Variants in SMC4 observed in about 807,000 individuals in gnomAD.
SMC4 encodes structural maintenance of chromosomes protein 4.
A neutral mutation model predicts 145.6 loss-of-function variants in SMC4; 87 were observed. That is an observed-to-expected ratio of 0.60 (90% CI 0.50 to 0.71). SMC4 has a LOEUF of 0.71. SMC4 is among the 30% of genes least tolerant of loss of function. The pLI, the probability that SMC4 is intolerant of heterozygous loss-of-function variation, is 0.00. For missense variants in SMC4, 1,447 were observed against 1,537.1 expected (o/e 0.94, Z 0.98); for synonymous variants, 558 against 500.7 (o/e 1.11, Z -1.53).
At chr3:160,399,835 C>T (rs575117231) in intron 1 of SMC4, 86 bp downstream of exon 1, 5 of 152,366 alleles carry the variant, frequency 3.3e-5, no homozygotes, top group African/African-American at 1.2e-4. Context: ...GGCCTTGAGC[C>T]CGAGCGGCGA....
In SMC4 at chr3:160,431,572, AT is replaced by A. The variant is rs575140761; in HGVS notation, c.3115-62del. Reference sequence around the variant, plus strand: ...TTTTCATAGCTGTGTAATTTGTCATATTTTTTTTTAAACAATGAATTGTATG... The same window carrying A: ...TTTTCATAGCTGTGTAATTTGTCATATTTTTTTTAAACAATGAATTGTATG... On this transcript the variant is annotated intron_variant, in intron 20 of 23. Coordinates refer to ENST00000357388, the MANE Select transcript of SMC4 (RefSeq NM_001002800.3). The A allele has an allele frequency of 2.9e-3, 3,317 of 1,143,312 alleles. 15 individuals carry two copies. Among genetic ancestry groups the A allele is most frequent in the South Asian group, 6.0e-3 (375 of 62,522 alleles). The allele number at this position is 1,143,312 out of a possible 1,614,324, so 70.8% of individuals were successfully genotyped here. A position where few individuals can be genotyped will look rare whatever the true frequency, so the allele number is the denominator to read the frequency against.
chr3:160,402,651 TTTTG>T, intron 3 of SMC4, 21 bp from the exon 4 acceptor site: 1 of 1,588,638 alleles, frequency 6.3e-7, no homozygotes, highest in Non-Finnish European at 8.5e-7. Flanking sequence ...CTTTTCCGTG[TTTTG>T]TTTTTGTTTT....
chr3:160,424,736 G>A, intron 15 of SMC4, 131 bp from the exon 16 acceptor site: 2 of 885,394 alleles, frequency 2.3e-6, no homozygotes, highest in Non-Finnish European at 3.5e-6. Flanking sequence ...CTTGAACCCG[G>A]GAGGCGGAGG....
Position 160,402,196 on chromosome 3 carries a change from T to A in SMC4, c.318+103T>A. 4.7e-6 allele frequency: 3 copies of A among 641,468 alleles called. No individual in the cohort carries two copies. In the South Asian group the frequency reaches 7.6e-5, roughly 16 times the overall value. 39.7% of individuals were successfully genotyped at this position (641,468 alleles called of 1,614,324 possible). On this transcript the variant is annotated intron_variant, in intron 3 of 23. Coordinates refer to ENST00000357388, the MANE Select transcript of SMC4 (RefSeq NM_001002800.3). The stretch of plus-strand genomic sequence containing the variant: ...GTTTTGTAACTATCCTAAAATTCAT[T>A]CACTCCCTATTTATCCTGATAGTCT...
intron 7 of SMC4, 146 bp from the exon 8 acceptor site, chr3:160,413,327 G>T: frequency 1.4e-6 from 1 of 736,554 alleles, no homozygotes; most frequent in Non-Finnish European, 2.1e-6. Context: ...TTGACCCAGG[G>T]GGATTTTCCC....
At chr3:160,417,551 AT>A in intron 10 of SMC4, 171 bp from the exon 11 acceptor site, 1 of 608,774 alleles carries the variant, frequency 1.6e-6, no homozygotes, top group South Asian at 2.0e-5. Flanking sequence ...TACAGTGAAT[AT>A]TGACAACTAG....
chr3:160,405,971 A>G (rs185963000), intron 5 of SMC4, among the ~76,000 whole-genome samples: 67 of 152,192 alleles, frequency 4.4e-4, no homozygotes, highest in Non-Finnish European at 8.5e-4. Context: ...CATTTATCCA[A>G]AGATTCATCA....
intron 6 of SMC4, 58 bp downstream of exon 6, chr3:160,412,142 AT>A: frequency 6.4e-7 from 1 of 1,556,574 alleles, no homozygotes; most frequent in East Asian, 2.3e-5. Context: ...GATCTAACAA[AT>A]TTTAGTAAGT....
rs1268858237 is a variant in SMC4 at position 160,430,495 on chromosome 3, GA to G, written c.2796-98del. On this transcript the variant is annotated intron_variant, in intron 18 of 23. Transcript: ENST00000357388. ...TCATAAACTTAAAAATATATGAATA[GA>G]AAAAATGTCACATTAAATTTCATGA... is the stretch of plus-strand genomic sequence containing the variant. 12 of 1,044,576 alleles carry G rather than the reference GA, an allele frequency of 1.1e-5. No homozygotes were observed. The African/African-American group carries it at 1.6e-4, about 14-fold the overall frequency. The allele number at this position is 1,044,576 out of a possible 1,614,324, so 64.7% of individuals were successfully genotyped here. A position where few individuals can be genotyped will look rare whatever the true frequency, so the allele number is the denominator to read the frequency against.
intron 13 of SMC4, 28 bp from the exon 14 acceptor site, chr3:160,423,397 T>G (rs2108490020): frequency 7.3e-7 from 1 of 1,374,348 alleles, no homozygotes; most frequent in Non-Finnish European, 9.8e-7. Context: ...TAACTGTTGT[T>G]TTTGTTTGTT....
At chr3:160,401,875 C>T (rs1297171487) in intron 2 of SMC4, 40 bp from the exon 3 acceptor site, 36 of 1,527,884 alleles carry the variant, frequency 2.4e-5, no homozygotes, top group African/African-American at 8.5e-5. Context: ...GCTTTTCCCC[C>T]GCCGTTTGCC....
chr3:160,407,544 C>A (rs1715478008), intron 5 of SMC4, among the ~76,000 whole-genome samples: 1 of 151,266 alleles, frequency 6.6e-6, no homozygotes, highest in Non-Finnish European at 1.5e-5. Context: ...CAGACCTTGT[C>A]TCTAAATAAA....
At chr3:160,418,507 A>G (rs563924250) in intron 11 of SMC4, among the ~76,000 whole-genome samples, 2 of 152,284 alleles carry the variant, frequency 1.3e-5, no homozygotes, top group African/African-American at 4.8e-5. Flanking sequence ...ATAAAAAAAA[A>G]ATCTGTTTGA....
chr3:160,433,803 T>A lies in SMC4; in HGVS notation c.3861T>A (p.Leu1287=). The change falls in exon 24 of 24, where the codon CTT becomes CTA. Residue 1287 remains leucine (L), a synonymous_variant. Transcript: ENST00000357388. ...CAAAAGAAATTGCATCTAAGGGACT[T>A]TGTTGAACTTTATGCTGAAGATTCT... ...VNPKEIASKG[L]C 6.2e-7 allele frequency: 1 copy of A among 1,600,046 alleles called. No individual in the cohort carries two copies.
Position 160,414,536 on chromosome 3 carries a change from T to C in SMC4, c.1272+19T>C. On this transcript the variant is annotated intron_variant, in intron 9 of 23. Coordinates refer to ENST00000357388, the MANE Select transcript of SMC4 (RefSeq NM_001002800.3). ...AGAAAAGGTAGGTGTTAGAAAAAAA[T>C]TCTTAAAATTTCACGTCTGAATATC... The C allele has an allele frequency of 6.2e-7, 1 of 1,601,760 alleles. No individual in the cohort carries two copies. The highest frequency in any genetic ancestry group is 8.5e-7 in the Non-Finnish European group (1 of 1,173,024).
rs773187507 is a variant in SMC4, at chr3:160,417,744, G to A, written c.1459G>A (p.Gly487Ser). ...EKESREKELMGFSKSVNEARS... is the reference protein window; with the variant it reads ...EKESREKELMSFSKSVNEARS... ...ACAGAGTCGAGAGAAAGAACTTATG[G>A]GTTTCAGCAAATCGGTAAATGAAGC... The change falls in exon 11 of 24, where the codon GGT becomes AGT. Residue 487 changes from glycine (G) to serine (S), a missense_variant. Coordinates refer to ENST00000357388, the MANE Select transcript of SMC4 (RefSeq NM_001002800.3). The A allele has an allele frequency of 1.8e-5, 29 of 1,611,868 alleles. No homozygotes were observed. The highest frequency in any genetic ancestry group is 2.3e-5 in the Non-Finnish European group (27 of 1,179,636).
intron 13 of SMC4, among the ~76,000 whole-genome samples, chr3:160,422,829 CGT>C (rs1185029460): frequency 6.6e-6 from 1 of 152,050 alleles, no homozygotes; most frequent in African/African-American, 2.4e-5. Flanking sequence ...AATTTTATCA[CGT>C]GATATAAAGT....
chr3:160,430,740 A>G lies in SMC4; in HGVS notation c.2937A>G (p.Ala979=), dbSNP rs1337129179. 1 of 1,610,642 alleles carries G rather than the reference A, an allele frequency of 6.2e-7. No homozygotes were observed. The highest frequency in any genetic ancestry group is 1.7e-5 in the Admixed American group (1 of 59,046). ...AAEVVKNTNA[A]EESLPEIQKE... The stretch of plus-strand genomic sequence containing the variant: ...AGGTCGTAAAGAATACAAATGCTGC[A>G]GAGGTATGAGTTGCTTTGTATTGAA... Residue 979 remains alanine (A), a synonymous_variant, in exon 19 of 24, where the codon GCA becomes GCG. Coordinates refer to ENST00000357388, the MANE Select transcript of SMC4 (RefSeq NM_001002800.3).
At chr3:160,403,277 T>C (rs183040316) in intron 4 of SMC4, among the ~76,000 whole-genome samples, 371 of 152,276 alleles carry the variant, frequency 2.4e-3, no homozygotes, top group Non-Finnish European at 4.3e-3. Context: ...ACTCTAATGT[T>C]AGTGGCCCCT....
Sources: allele counts gnomAD v4.1 joint callset (sites outside exome capture counted in the v4.1 genomes callset), GRCh38; gene constraint gnomAD v4.1.1; transcripts MANE v1.5; gene names NCBI Gene and HGNC (gene_info 2026-07-23, HGNC 2026-07-21).